CNTRL: variants seen among roughly 807,000 people sequenced by gnomAD.
CNTRL encodes 110 kDa centrosomal protein.
In CNTRL, 233 loss-of-function variants were observed where a neutral mutation model predicts 303.7. The ratio of observed to expected loss-of-function variants is 0.77; its 90% CI spans 0.69 to 0.86. CNTRL has a LOEUF of 0.86. Among genes scored for constraint, CNTRL ranks in the 40% least tolerant of loss-of-function variants. CNTRL has a pLI of 0.00. For missense variants in CNTRL, 2,524 were observed against 2,650.6 expected (o/e 0.95, Z 1.05); for synonymous variants, 900 against 922.2 (o/e 0.98, Z 0.44).
At position 121,167,545 on chromosome 9, in the gene CNTRL, C is replaced by G. The variant is rs776746166; in HGVS notation, c.5712C>G (p.Leu1904=). Residue 1904 remains leucine (L), a synonymous_variant, in exon 37 of 44, where the codon CTC becomes CTG. Coordinates refer to ENST00000373855, the MANE Select transcript of CNTRL (RefSeq NM_007018.6). ...TGTTGCTCAGTGAGCAGACCCGACT[C>G]CAGAAGGACATCAGTGAATGGGCAA... ...QDVLLSEQTR[L]QKDISEWANR... 1 of 1,613,872 alleles carries G rather than the reference C, an allele frequency of 6.2e-7. No individual in the cohort carries two copies. The highest frequency in any genetic ancestry group is 1.3e-5 in the African/African-American group (1 of 74,868).
chr9:121,085,663 G>A lies in CNTRL; in HGVS notation c.-31-2633G>A, dbSNP rs182276481. ...GGATTCATTCTGTAGGAAGAAAGTAGATTTCTGGAAAGTCTTCACAAGAAA... is the reference window on the plus strand; with the variant it reads ...GGATTCATTCTGTAGGAAGAAAGTAAATTTCTGGAAAGTCTTCACAAGAAA... On this transcript the variant is annotated intron_variant, in intron 2 of 43. Transcript: ENST00000373855. Among the ~76,000 whole-genome samples the A allele has an allele frequency of 1.5e-3, 231 of 152,326 alleles. 1 individual carries two copies. Among genetic ancestry groups the A allele is most frequent in the Non-Finnish European group, 2.7e-3 (186 of 68,032 alleles).
At position 121,090,241 on chromosome 9, in the gene CNTRL, C is replaced by T. The variant is rs1454152176; in HGVS notation, c.218-34C>T. On this transcript the variant is annotated intron_variant, in intron 3 of 43. Coordinates refer to ENST00000373855, the MANE Select transcript of CNTRL (RefSeq NM_007018.6). ...GTTCTTTGTGATATTCATGTCTTTC[C>T]TCTACTGATGATGATCTGTTTCTAT... is the stretch of plus-strand genomic sequence containing the variant. The T allele has an allele frequency of 1.9e-6, 3 of 1,545,696 alleles. No homozygotes were observed. In the South Asian group the frequency reaches 3.8e-5, roughly 20 times the overall value.
intron 14 of CNTRL, among the ~76,000 whole-genome samples, chr9:121,132,435 C>CT (rs1554753166): frequency 1.3e-5 from 2 of 152,202 alleles, no homozygotes; most frequent in Non-Finnish European, 2.9e-5. Flanking sequence ...GCTACTGAAG[C>CT]TTGTGCATGT....
rs571601395 is a variant in CNTRL, at chr9:121,099,321, A to G, written c.808+749A>G. On this transcript the variant is annotated intron_variant, in intron 7 of 43. Transcript: ENST00000373855. ...GAGTGGACCTCCAGCGAACTCCAAC[A>G]GACCTGCAGCTCAGGGTCCTGACTG... Among the ~76,000 whole-genome samples, 361 of 152,346 alleles carry G rather than the reference A, an allele frequency of 2.4e-3. 1 individual carries two copies. Among genetic ancestry groups the G allele is most frequent in the Non-Finnish European group, 4.4e-3 (296 of 68,024 alleles).
chr9:121,157,921 G>C, intron 29 of CNTRL, 41 bp downstream of exon 29: 1 of 1,613,702 alleles, frequency 6.2e-7, no homozygotes. Flanking sequence ...GTTTGTGCTG[G>C]AAGACAGCTC....
intron 11 of CNTRL, 84 bp from the exon 12 acceptor site, chr9:121,118,260 AAT>A: frequency 9.3e-7 from 1 of 1,074,714 alleles, no homozygotes. Context: ...TAGAATATAG[AAT>A]ACTTATTAAA....
chr9:121,170,644 CG>C (rs1554766824), intron 39 of CNTRL, among the ~76,000 whole-genome samples: 1 of 151,778 alleles, frequency 6.6e-6, no homozygotes, highest in Non-Finnish European at 1.5e-5. Context: ...TTAGTAGAGA[CG>C]GGGTTCACCA....
At chr9:121,099,885 G>C (rs1409209597) in intron 7 of CNTRL, among the ~76,000 whole-genome samples, 1 of 152,066 alleles carries the variant, frequency 6.6e-6, no homozygotes, top group Admixed American at 6.6e-5. Flanking sequence ...AATGAACAAA[G>C]CCTCTAAGAA....
chr9:121,079,024 C>G (rs1263508113), intron 1 of CNTRL, among the ~76,000 whole-genome samples: 1 of 152,132 alleles, frequency 6.6e-6, no homozygotes, highest in Non-Finnish European at 1.5e-5. Flanking sequence ...CCTTTAGCCC[C>G]TCTCCCCTCC....
At chr9:121,171,890 C>T (rs1194904547) in intron 40 of CNTRL, among the ~76,000 whole-genome samples, 1 of 152,134 alleles carries the variant, frequency 6.6e-6, no homozygotes, top group African/African-American at 2.4e-5. Context: ...TCCCCTACCC[C>T]TTGAGCAAGA....
intron 14 of CNTRL, among the ~76,000 whole-genome samples, chr9:121,134,386 G>A (rs1410772347): frequency 6.6e-6 from 1 of 151,692 alleles, no homozygotes; most frequent in Non-Finnish European, 1.5e-5. Context: ...CGCCTCCCAG[G>A]TTCAAGTGAT....
At chr9:121,170,355 G>GCT (rs1363312846) in intron 39 of CNTRL, among the ~76,000 whole-genome samples, 2 of 152,126 alleles carry the variant, frequency 1.3e-5, no homozygotes, top group Non-Finnish European at 2.9e-5. Context: ...GGTTGACCAG[G>GCT]CTAGTCCTGA....
intron 2 of CNTRL, among the ~76,000 whole-genome samples, chr9:121,086,479 A>G (rs1001805305): frequency 1.3e-5 from 2 of 152,158 alleles, no homozygotes; most frequent in Non-Finnish European, 2.9e-5. Flanking sequence ...AATGAGATCA[A>G]GCATTATTAT....
intron 2 of CNTRL, among the ~76,000 whole-genome samples, chr9:121,083,252 T>G (rs1041527620): frequency 6.6e-6 from 1 of 152,220 alleles, no homozygotes; most frequent in African/African-American, 2.4e-5. Context: ...CTTTATAAAC[T>G]TTAAACTTTT....
intron 2 of CNTRL, among the ~76,000 whole-genome samples, chr9:121,086,633 CTTTTTT>C (rs60828602): frequency 5.9e-5 from 7 of 119,210 alleles, no homozygotes; most frequent in South Asian, 2.8e-4. Flanking sequence ...GCTGGATTTA[CTTTTTT>C]TTTTTTTTTT....
intron 14 of CNTRL, among the ~76,000 whole-genome samples, chr9:121,133,188 A>G (rs1288598592): frequency 3.3e-5 from 5 of 152,190 alleles, no homozygotes; most frequent in Non-Finnish European, 5.9e-5. Flanking sequence ...TCCTACAGGG[A>G]CGTTTGAGTC....
chr9:121,104,369 C>T (rs1209466431), intron 7 of CNTRL, among the ~76,000 whole-genome samples: 1 of 152,068 alleles, frequency 6.6e-6, no homozygotes, highest in African/African-American at 2.4e-5. Context: ...ACACTGGGGC[C>T]TGTCATGGGG....
intron 7 of CNTRL, among the ~76,000 whole-genome samples, chr9:121,103,355 G>T (rs1474667398): frequency 6.6e-6 from 1 of 152,160 alleles, no homozygotes; most frequent in East Asian, 1.9e-4. Flanking sequence ...TATGTAGAAA[G>T]CTGAAACTGG....
rs1396033451 is a variant in CNTRL at position 121,158,922 on chromosome 9, A to G, written c.4832A>G (p.His1611Arg). The part of the protein sequence containing the change: ...RQLGHKKEEL[H>R]LLQGSMVQAK... ...TTAGGGCATAAAAAGGAGGAGCTGC[A>G]TCTACTCCAAGGAAGCATGGTCCAG... Residue 1611 changes from histidine (H) to arginine (R), a missense_variant, in exon 31 of 44, where the codon CAT (histidine) becomes CGT (arginine). Transcript: ENST00000373855. The G allele has an allele frequency of 2.5e-6, 4 of 1,614,192 alleles. No individual in the cohort carries two copies.
Sources: gnomAD v4.1 joint callset for allele counts (sites outside exome capture counted in the v4.1 genomes callset) on GRCh38, gnomAD v4.1.1 for gene constraint, MANE v1.5 for transcripts, NCBI Gene and HGNC (gene_info 2026-07-23, HGNC 2026-07-21) for gene names.